Variants in MINK1 observed in about 807,000 individuals in gnomAD.
MINK1 encodes the protein misshapen like kinase 1.
A neutral mutation model predicts 178.4 loss-of-function variants in MINK1; 46 were observed. That is an observed-to-expected ratio of 0.26 (90% CI 0.20 to 0.33). MINK1 has a LOEUF of 0.33. Among genes scored for constraint, MINK1 ranks in the 10% least tolerant of loss-of-function variants. The probability of loss-of-function intolerance (pLI) is 1.00; values close to 1 mark genes in which losing one functional copy is unlikely to be tolerated. For synonymous variants in MINK1, 797 were observed against 709.7 expected (o/e 1.12, Z -1.96); for missense variants, 1,366 against 1,814.9 (o/e 0.75, Z 4.49).
In MINK1 at chr17:4,894,908, C is replaced by T. The variant is rs1969288414; in HGVS notation, c.2918-167C>T. On this transcript the variant is annotated intron_variant, in intron 24 of 31. Coordinates refer to ENST00000355280, the MANE Select transcript of MINK1 (RefSeq NM_153827.5). The surrounding 1 kb of genome is among the most constrained non-coding windows in gnomAD (Gnocchi z 4.1). ...GGGACTTGAGCCAGACCTTTTGACT[C>T]CAAGTCCAGCACTCTATCCCCCTCT... The T allele has an allele frequency of 6.4e-6, 5 of 775,226 alleles. No homozygotes were observed. In the South Asian group the frequency reaches 7.3e-5, roughly 11 times the overall value. 48.0% of individuals were successfully genotyped at this position (775,226 alleles called of 1,614,324 possible). A position where few individuals can be genotyped will look rare whatever the true frequency, so the allele number is the denominator to read the frequency against.
intron 1 of MINK1, among the ~76,000 whole-genome samples, chr17:4,834,308 G>A (rs1306707703): frequency 6.6e-6 from 1 of 152,178 alleles, no homozygotes; most frequent in Non-Finnish European, 1.5e-5. Context: ...GCAGCGTGGG[G>A]CTGGGAGCCC....
intron 1 of MINK1, among the ~76,000 whole-genome samples, chr17:4,838,836 C>T (rs1326094715): frequency 6.6e-6 from 1 of 152,182 alleles, no homozygotes; most frequent in Non-Finnish European, 1.5e-5. Flanking sequence ...GAATCAGGTT[C>T]CAGATTCTAT....
rs1307456325 is a variant in MINK1, at chr17:4,887,832, C to G, written c.1230+42C>G. 1 of 1,429,022 alleles carries G rather than the reference C, an allele frequency of 7.0e-7. No homozygotes were observed. The highest frequency in any genetic ancestry group is 2.6e-5 in the East Asian group (1 of 38,448). 88.5% of individuals were successfully genotyped at this position (1,429,022 alleles called of 1,614,324 possible). On this transcript the variant is annotated intron_variant, in intron 12 of 31. Transcript: ENST00000355280. The surrounding 1 kb of genome is among the most constrained non-coding windows in gnomAD (Gnocchi z 7.6). ...GGGCCCAGGCCTGGCGCGGCCTCCT[C>G]CTGACCTGCCCCGGGTCCATTAGGG...
chr17:4,884,568 C>A, intron 5 of MINK1, 95 bp downstream of exon 5: 2 of 918,088 alleles, frequency 2.2e-6, no homozygotes, highest in Non-Finnish European at 3.5e-6. Context: ...GAGGAGACAT[C>A]ACTGCCCTCT....
At position 4,879,264 on chromosome 17, in the gene MINK1, G is replaced by A. The variant is rs150527099; in HGVS notation, c.123+882G>A. Among the ~76,000 whole-genome samples, 109 of 152,304 alleles carry A rather than the reference G, an allele frequency of 7.2e-4. 1 individual carries two copies. In the East Asian group the frequency reaches 0.019, roughly 27 times the overall value. On this transcript the variant is annotated intron_variant, in intron 2 of 31. Transcript: ENST00000355280. ...TGCTCACACTTGGATGGGGGGAGCTGCTCCAGCAGGGAGGGAGGATGCTCA... is the reference window on the plus strand; with the variant it reads ...TGCTCACACTTGGATGGGGGGAGCTACTCCAGCAGGGAGGGAGGATGCTCA...
intron 1 of MINK1, among the ~76,000 whole-genome samples, chr17:4,870,369 T>C (rs749647323): frequency 3.9e-5 from 6 of 151,964 alleles, no homozygotes; most frequent in Non-Finnish European, 8.8e-5. Context: ...TGAGCCACTA[T>C]GCCCAGCCTT....
chr17:4,870,622 C>T (rs1406436876), intron 1 of MINK1, among the ~76,000 whole-genome samples: 1 of 151,726 alleles, frequency 6.6e-6, no homozygotes, highest in East Asian at 1.9e-4. Context: ...CTCAGGAGTT[C>T]AAGACCAGCT....
chr17:4,874,104 T>C (rs1201192694), intron 1 of MINK1, among the ~76,000 whole-genome samples: 1 of 152,252 alleles, frequency 6.6e-6, no homozygotes, highest in Non-Finnish European at 1.5e-5. Flanking sequence ...TTGCTGTTTA[T>C]GATATATAAT....
intron 1 of MINK1, among the ~76,000 whole-genome samples, chr17:4,871,817 A>G (rs1267692225): frequency 6.6e-6 from 1 of 152,178 alleles, no homozygotes; most frequent in East Asian, 1.9e-4. Context: ...CAGTTTCTCC[A>G]TGCCCTCAGC....
At position 4,897,354 on chromosome 17, in the gene MINK1, C is replaced by A; in HGVS notation, c.*67C>A. ...TCCCCCTGCAGCCAGGCTTCCCGGG[C>A]CGCCCCTCTTTCCCCTCCCTGGGCT... On this transcript the variant is annotated 3_prime_UTR_variant, in exon 32 of 32. Transcript: ENST00000355280. 6.8e-7 allele frequency: 1 copy of A among 1,477,660 alleles called. No individual in the cohort carries two copies. The highest frequency in any genetic ancestry group is 9.4e-7 in the Non-Finnish European group (1 of 1,063,812). 91.5% of individuals were successfully genotyped at this position (1,477,660 alleles called of 1,614,324 possible).
chr17:4,837,055 C>T (rs1285950361), intron 1 of MINK1, among the ~76,000 whole-genome samples: 14 of 152,072 alleles, frequency 9.2e-5, no homozygotes, highest in South Asian at 2.1e-4. Context: ...GGCATGGTGG[C>T]GCACACCTGT....
chr17:4,878,304 C>G lies in MINK1; in HGVS notation c.58-13C>G. On this transcript the variant is annotated splice_polypyrimidine_tract_variant and intron_variant, in intron 1 of 31. Transcript: ENST00000355280. ...AAGTCTTGACACAGTATTCTTCTGTCTCCTGCCCCTAGGACCCTGCTGGGA... is the reference window on the plus strand; with the variant it reads ...AAGTCTTGACACAGTATTCTTCTGTGTCCTGCCCCTAGGACCCTGCTGGGA... 1 of 1,536,378 alleles carries G rather than the reference C, an allele frequency of 6.5e-7. No individual in the cohort carries two copies. Among genetic ancestry groups the G allele is most frequent in the Non-Finnish European group, 8.7e-7 (1 of 1,146,186 alleles).
At chr17:4,857,991 CT>C (rs1913476678) in intron 1 of MINK1, among the ~76,000 whole-genome samples, 1 of 152,148 alleles carries the variant, frequency 6.6e-6, no homozygotes, top group African/African-American at 2.4e-5. Context: ...CTCTCAGGCC[CT>C]TATCCCTTCC....
Position 4,896,602 on chromosome 17 carries a change from C to G in MINK1, c.3775+14C>G. On this transcript the variant is annotated intron_variant, in intron 30 of 31. Transcript: ENST00000355280. This position sits in a 1 kb window ranked among gnomAD's most constrained non-coding sequence, Gnocchi z 4.6. ...CTACTTCTGTGGGTGAGTGAGCTGC[C>G]GCCCTCCCAGCCACATGCCCCGAGG... 1 of 1,613,308 alleles carries G rather than the reference C, an allele frequency of 6.2e-7. No individual in the cohort carries two copies.
Position 4,893,359 on chromosome 17 carries a change from G to A in MINK1, c.2401-75G>A, listed in dbSNP as rs1969072225. On this transcript the variant is annotated intron_variant, in intron 20 of 31. Transcript: ENST00000355280. ...GGAGCCCCTCCTGTCGCCCTGCTGG[G>A]GTGTCCCGGCACCCTTTGTCTACCT... The A allele has an allele frequency of 1.9e-6, 3 of 1,612,456 alleles. No individual in the cohort carries two copies. The Admixed American group carries it at 5.0e-5, about 27-fold the overall frequency.
chr17:4,838,998 C>T (rs1391295821), intron 1 of MINK1, among the ~76,000 whole-genome samples: 1 of 151,320 alleles, frequency 6.6e-6, no homozygotes, highest in African/African-American at 2.4e-5. Context: ...GGCTGGAGTG[C>T]AGTGGCGCGA....
Position 4,894,476 on chromosome 17 carries a change from C to T in MINK1, c.2809-49C>T, listed in dbSNP as rs762940354. The T allele has an allele frequency of 4.6e-6, 7 of 1,531,668 alleles. No homozygotes were observed. Among genetic ancestry groups the T allele is most frequent in the African/African-American group, 2.7e-5 (2 of 72,856 alleles). 94.9% of individuals were successfully genotyped at this position (1,531,668 alleles called of 1,614,324 possible). On this transcript the variant is annotated intron_variant, in intron 23 of 31. Transcript: ENST00000355280. This position sits in a 1 kb window ranked among gnomAD's most constrained non-coding sequence, Gnocchi z 4.1. ...TGGGGAACAGCAGCAGGGGCAGGGC[C>T]GCAGCTGGACTTGCACTTGTTTGCC...
At chr17:4,843,459 C>T (rs1910554613) in intron 1 of MINK1, among the ~76,000 whole-genome samples, 1 of 148,092 alleles carries the variant, frequency 6.8e-6, no homozygotes, top group African/African-American at 2.5e-5. Context: ...GCCTGGGCGA[C>T]AGAACGAGAC....
chr17:4,891,064 A>G lies in MINK1; in HGVS notation c.1680A>G (p.Gly560=), dbSNP rs1456498969. Residue 560 remains glycine, a synonymous_variant, in exon 15 of 32, where the codon GGA becomes GGG. Transcript: ENST00000355280. ...CCCAGGCCTCCCCAGGGCCCCCAGG[A>G]CCCCTTTCCCAGACTCCTCCTATGC... ...PIPQASPGPP[G]PLSQTPPMQR... is the part of the protein sequence containing the mutation. 1.9e-6 allele frequency: 3 copies of G among 1,553,726 alleles called. No homozygotes were observed. The highest frequency in any genetic ancestry group is 1.9e-5 in the Admixed American group (1 of 51,372).
Sources: gnomAD v4.1 joint callset for allele counts (sites outside exome capture counted in the v4.1 genomes callset) on GRCh38, gnomAD v4.1.1 for gene constraint, Gnocchi (gnomAD v3.1) non-coding constraint, MANE v1.5 for transcripts, NCBI Gene and HGNC (gene_info 2026-07-23, HGNC 2026-07-21) for gene names.